Variants in DCSTAMP observed in about 807,000 individuals in gnomAD.
DCSTAMP encodes dendrocyte expressed seven transmembrane protein.
A neutral mutation model predicts 33.8 loss-of-function variants in DCSTAMP; 25 were observed. The observed-to-expected ratio is 0.74, with a 90% CI of 0.54 to 1.03. DCSTAMP has a LOEUF of 1.03. DCSTAMP is among the 50% of genes least tolerant of loss of function. DCSTAMP has a pLI of 0.00. For missense variants in DCSTAMP, 531 were observed against 556.8 expected (o/e 0.95, Z 0.47); for synonymous variants, 245 against 216.7 (o/e 1.13, Z -1.15).
intron 2 of DCSTAMP, among the ~76,000 whole-genome samples, chr8:104,350,582 T>C (rs1810432508): frequency 6.6e-6 from 1 of 152,266 alleles, no homozygotes. Flanking sequence ...ATTGGATTAC[T>C]AGTTCTCAAT....
Position 104,356,268 on chromosome 8 carries a change from T to TTA in DCSTAMP, c.*70_*71insTA. 6.8e-7 allele frequency: 1 copy of TTA among 1,467,590 alleles called. No individual in the cohort carries two copies. Among genetic ancestry groups the TTA allele is most frequent in the Non-Finnish European group, 9.3e-7 (1 of 1,075,240 alleles). The allele number at this position is 1,467,590 out of a possible 1,614,324, so 90.9% of individuals were successfully genotyped here. A position where few individuals can be genotyped will look rare whatever the true frequency, so the allele number is the denominator to read the frequency against. ...TCAGGTCTAGGATGGCAGTCACTAT[T>TTA]CATGCCGGATAATAGAGAACTATGT... On this transcript the variant is annotated 3_prime_UTR_variant, in exon 4 of 4. Coordinates refer to ENST00000297581, the MANE Select transcript of DCSTAMP (RefSeq NM_030788.4).
chr8:104,355,558 G>A (rs988218082), intron 3 of DCSTAMP, among the ~76,000 whole-genome samples: 2 of 152,038 alleles, frequency 1.3e-5, no homozygotes, highest in Admixed American at 6.6e-5. Context: ...CTTTGTAAAT[G>A]CCAAAGAATT....
chr8:104,348,501 C>A, intron 1 of DCSTAMP, 40 bp from the exon 2 acceptor site: 1 of 1,568,330 alleles, frequency 6.4e-7, no homozygotes, highest in Non-Finnish European at 8.6e-7. Flanking sequence ...AGAGGACATT[C>A]AAAAGTAATT....
chr8:104,345,114 G>A (rs148573794), intron 1 of DCSTAMP, among the ~76,000 whole-genome samples: 26 of 152,036 alleles, frequency 1.7e-4, no homozygotes, highest in East Asian at 1.4e-3. Flanking sequence ...TAAGCCTCCC[G>A]TCAGCTTGGG....
Position 104,355,169 on chromosome 8 carries a change from GTC to G in DCSTAMP, c.1326_1327del (p.Tyr443SerfsTer15), listed in dbSNP as rs1422904575. On this transcript the variant is annotated frameshift_variant, in exon 3 of 4. Transcript: ENST00000297581. LOFTEE classifies it low-confidence loss of function (END_TRUNC). ...CTGGGAGAAGTCAAAAGACGGCTGA[GTC>G]TCTATCTTACAAAGGTAAGGCCAAG... The G allele has an allele frequency of 1.9e-6, 3 of 1,613,094 alleles. No individual in the cohort carries two copies. Among genetic ancestry groups the G allele is most frequent in the African/African-American group, 2.7e-5 (2 of 74,786 alleles).
chr8:104,348,859 A>G lies in DCSTAMP; in HGVS notation c.307A>G (p.Thr103Ala). 1.2e-6 allele frequency: 2 copies of G among 1,614,218 alleles called. No homozygotes were observed. Among genetic ancestry groups the G allele is most frequent in the Non-Finnish European group, 1.7e-6 (2 of 1,180,044 alleles). The stretch of plus-strand genomic sequence containing the variant: ...CAGGAATGCTTTGATTGCAGCTGGC[A>G]CAGGGATCGTCATCTTGGGACACGT... ...EGRNALIAAG[T>A]GIVILGHVEN... is the part of the protein sequence containing the mutation. The change falls in exon 2 of 4, where the codon ACA (threonine) becomes GCA (alanine). Residue 103 changes from threonine (T) to alanine (A), a missense_variant. Transcript: ENST00000297581.
chr8:104,353,906 A>G (rs1406981302), intron 2 of DCSTAMP, among the ~76,000 whole-genome samples: 1 of 152,226 alleles, frequency 6.6e-6, no homozygotes, highest in Non-Finnish European at 1.5e-5. Context: ...TAGTTTATTC[A>G]TGGGCAGGAT....
intron 3 of DCSTAMP, among the ~76,000 whole-genome samples, chr8:104,355,466 G>A (rs1002107371): frequency 6.6e-6 from 1 of 152,180 alleles, no homozygotes; most frequent in African/African-American, 2.4e-5. Context: ...GAGGTCCTTA[G>A]TGTTGACTAG....
intron 1 of DCSTAMP, among the ~76,000 whole-genome samples, chr8:104,345,581 T>C (rs1272903686): frequency 2.6e-5 from 4 of 152,266 alleles, no homozygotes; most frequent in Non-Finnish European, 5.9e-5. Flanking sequence ...TCTTCTTTAA[T>C]TGATACTAGA....
chr8:104,348,922 G>T lies in DCSTAMP; in HGVS notation c.370G>T (p.Gly124Cys). Residue 124 changes from glycine to cysteine, a missense_variant, in exon 2 of 4, where the codon GGT (glycine) becomes TGT (cysteine). Gly to Cys is a radical substitution (Grantham distance 159). Coordinates refer to ENST00000297581, the MANE Select transcript of DCSTAMP (RefSeq NM_030788.4). ...TCACAACTTTAAAGGTCTCCTAGAT[G>T]GTATGACTTGCAACCTAAGGGCAAA... ...IFHNFKGLLD[G>C]MTCNLRAKSF... 6.2e-7 allele frequency: 1 copy of T among 1,614,172 alleles called. No homozygotes were observed.
At chr8:104,353,705 A>C (rs1810530797) in intron 2 of DCSTAMP, among the ~76,000 whole-genome samples, 1 of 152,224 alleles carries the variant, frequency 6.6e-6, no homozygotes, top group Non-Finnish European at 1.5e-5. Flanking sequence ...GGGGTTTCCA[A>C]AGTCTTCACA....
intron 1 of DCSTAMP, among the ~76,000 whole-genome samples, chr8:104,344,542 A>G (rs1034141922): frequency 1.3e-5 from 2 of 152,150 alleles, no homozygotes; most frequent in Non-Finnish European, 2.9e-5. Flanking sequence ...TCACGAGAGC[A>G]GCTTCAGCAG....
At chr8:104,347,989 A>G (rs1810358065) in intron 1 of DCSTAMP, among the ~76,000 whole-genome samples, 1 of 152,130 alleles carries the variant, frequency 6.6e-6, no homozygotes, top group African/African-American at 2.4e-5. Context: ...AAGATGCAAC[A>G]TTGCTGGCTT....
rs527254914 is a variant in DCSTAMP at position 104,348,306 on chromosome 8, C to G, written c.-12-235C>G. On this transcript the variant is annotated intron_variant, in intron 1 of 3. Coordinates refer to ENST00000297581, the MANE Select transcript of DCSTAMP (RefSeq NM_030788.4). Reference sequence around the variant, plus strand: ...TTGTCACTGTCATTTCTGCCGCATTCGATTGGGCAAAGAAGTCACAAGGCC... The same window carrying G: ...TTGTCACTGTCATTTCTGCCGCATTGGATTGGGCAAAGAAGTCACAAGGCC... 2.6e-5 allele frequency among the ~76,000 whole-genome samples: 4 copies of G among 151,924 alleles called. No homozygotes were observed. In the South Asian group the frequency reaches 8.3e-4, roughly 32 times the overall value.
intron 2 of DCSTAMP, among the ~76,000 whole-genome samples, chr8:104,354,447 A>G (rs1026996403): frequency 3.9e-5 from 6 of 152,128 alleles, no homozygotes; most frequent in African/African-American, 1.4e-4. Context: ...CTTTCGCCCC[A>G]TGTGTGCTAA....
At chr8:104,340,356 A>C (rs934116045) in intron 1 of DCSTAMP, 4 of 152,254 alleles carry the variant, frequency 2.6e-5, no homozygotes, top group Non-Finnish European at 2.9e-5. Flanking sequence ...AGTCATGAGG[A>C]GTTCTCTCTA....
At position 104,349,175 on chromosome 8, in the gene DCSTAMP, C is replaced by T. The variant is rs1810397239; in HGVS notation, c.623C>T (p.Ser208Phe). ...ATGGCAACAACCACAGAGGTGTTGT[C>T]CTCCCTGGGTCAGAAGCTACTTGCC... ...YQMATTTEVLSSLGQKLLAFA... is the reference protein window; with the variant it reads ...YQMATTTEVLFSLGQKLLAFA... The change falls in exon 2 of 4, where the codon TCC becomes TTC. Residue 208 changes from serine (S) to phenylalanine (F), a missense_variant. Physicochemically the swap from Ser to Phe is radical, Grantham distance 155. Transcript: ENST00000297581. 1 of 1,614,218 alleles carries T rather than the reference C, an allele frequency of 6.2e-7. No homozygotes were observed. The highest frequency in any genetic ancestry group is 2.2e-5 in the East Asian group (1 of 44,886).
rs1326318870 is a variant in DCSTAMP at position 104,356,566 on chromosome 8, T to C, written c.*368T>C. 1.3e-5 allele frequency: 2 copies of C among 155,440 alleles called. No homozygotes were observed. Among genetic ancestry groups the C allele is most frequent in the Middle Eastern group, 3.2e-3 (1 of 312 alleles). 9.6% of individuals were successfully genotyped at this position (155,440 alleles called of 1,614,324 possible). ...TCACAAGCAAATGCTAAGGGGAACATACATGTAAAAAGCCAGCAAACTATC... is the reference window on the plus strand; with the variant it reads ...TCACAAGCAAATGCTAAGGGGAACACACATGTAAAAAGCCAGCAAACTATC... On this transcript the variant is annotated 3_prime_UTR_variant, in exon 4 of 4. Coordinates refer to ENST00000297581, the MANE Select transcript of DCSTAMP (RefSeq NM_030788.4).
At chr8:104,354,819 G>A (rs1190488797) in intron 2 of DCSTAMP, 58 bp from the exon 3 acceptor site, 19 of 1,201,582 alleles carry the variant, frequency 1.6e-5, no homozygotes, top group Non-Finnish European at 2.1e-5. Context: ...TACTGAGAAA[G>A]ACAAGAACTG....
Sources: allele counts gnomAD v4.1 joint callset (sites outside exome capture counted in the v4.1 genomes callset), GRCh38; gene constraint gnomAD v4.1.1; transcripts MANE v1.5; gene names NCBI Gene and HGNC (gene_info 2026-07-23, HGNC 2026-07-21).